Variants in NAP1L4 observed in about 807,000 individuals in gnomAD.
NAP1L4 encodes nucleosome assembly protein 1 like 4.
In NAP1L4, 15 loss-of-function variants were observed where a neutral mutation model predicts 58.2. That is an observed-to-expected ratio of 0.26 (90% CI 0.17 to 0.40). NAP1L4 has a LOEUF of 0.40. NAP1L4 is among the 10% of genes least tolerant of loss of function. The pLI, the probability that NAP1L4 is intolerant of heterozygous loss-of-function variation, is 1.00. For missense variants in NAP1L4, 384 were observed against 451.1 expected (o/e 0.85, Z 1.35); for synonymous variants, 171 against 155.6 (o/e 1.10, Z -0.74).
At chr11:2,956,382 C>T (rs1052276138) in intron 10 of NAP1L4, among the ~76,000 whole-genome samples, 2 of 152,088 alleles carry the variant, frequency 1.3e-5, no homozygotes, top group African/African-American at 4.8e-5. Flanking sequence ...AGCTGTGCAA[C>T]GTTCAACTGG....
At chr11:2,964,775 T>C (rs1445164430) in intron 7 of NAP1L4, 24 bp from the exon 8 acceptor site, 1 of 1,570,872 alleles carries the variant, frequency 6.4e-7, no homozygotes, top group Admixed American at 1.7e-5. Context: ...GAAAAAAAAT[T>C]CCAACAGGCT....
rs963660439 is a variant in NAP1L4 at position 2,946,127 on chromosome 11, T to C, written c.*33-481A>G. On this transcript the variant is annotated intron_variant, in intron 15 of 15. Coordinates refer to ENST00000380542, the MANE Select transcript of NAP1L4 (RefSeq NM_005969.4). This position sits in a 1 kb window ranked among gnomAD's most constrained non-coding sequence, Gnocchi z 4.8. ...CCTTGGCGCTCATGGAAAGCACATC[T>C]CTCCTCTAGCGGGTTCCTGCTCTTT... is the stretch of plus-strand genomic sequence containing the variant. Among the ~76,000 whole-genome samples, 4 of 152,160 alleles carry C rather than the reference T, an allele frequency of 2.6e-5. No individual in the cohort carries two copies. The highest frequency in any genetic ancestry group is 6.8e-3 in the Middle Eastern group (2 of 294).
At chr11:2,972,026 T>C (rs1847666029) in intron 5 of NAP1L4, 76 bp downstream of exon 5, 2 of 1,404,296 alleles carry the variant, frequency 1.4e-6, no homozygotes, top group East Asian at 2.6e-5. Flanking sequence ...GTTGTCAACT[T>C]ATAATGGGTT....
intron 1 of NAP1L4, among the ~76,000 whole-genome samples, chr11:2,985,449 C>T (rs896168881): frequency 1.3e-5 from 2 of 152,228 alleles, no homozygotes. Flanking sequence ...TATAAAACCA[C>T]AGCCCGAAGA....
In NAP1L4 at chr11:2,958,435, T is replaced by C. The variant is rs1846678117; in HGVS notation, c.856A>G (p.Asn286Asp). The C allele has an allele frequency of 1.2e-6, 2 of 1,614,094 alleles. No homozygotes were observed. Among genetic ancestry groups the C allele is most frequent in the Non-Finnish European group, 1.7e-6 (2 of 1,180,040 alleles). ...TTGAAGAAGTTGAAAAAGGACTCAT[T>C]GGGTACTTGTTTCGTAATTGTTCTA... ...TVRTITKQVP[N>D]ESFFNFFNPL... Residue 286 changes from asparagine (N) to aspartate (D), a missense_variant, in exon 10 of 16, where the codon AAT (asparagine) becomes GAT (aspartate). Physicochemically the swap from Asn to Asp is conservative, Grantham distance 23. Coordinates refer to ENST00000380542, the MANE Select transcript of NAP1L4 (RefSeq NM_005969.4).
chr11:2,965,424 C>G (rs1247304757), intron 7 of NAP1L4, among the ~76,000 whole-genome samples: 1 of 152,198 alleles, frequency 6.6e-6, no homozygotes, highest in African/African-American at 2.4e-5. Context: ...TATCTAAACA[C>G]AGAGAAGGTA....
intron 1 of NAP1L4, chr11:2,991,140 C>CA (rs1324250122): frequency 4.4e-6 from 2 of 456,288 alleles, no homozygotes; most frequent in Admixed American, 4.7e-5. Flanking sequence ...AGCGCACAGT[C>CA]ACCCAGGCAG....
rs945122647 is a variant in NAP1L4, at chr11:2,971,889, T to C, written c.315+213A>G. Among the ~76,000 whole-genome samples the C allele has an allele frequency of 2.6e-5, 4 of 152,204 alleles. No homozygotes were observed. Among genetic ancestry groups the C allele is most frequent in the Non-Finnish European group, 5.9e-5 (4 of 68,034 alleles). ...ACATTACGCGAGATACTCAGCACTT[T>C]ATTATAAAATAGGCTTTGTGGAAGA... On this transcript the variant is annotated intron_variant, in intron 5 of 15. Transcript: ENST00000380542. This position sits in a 1 kb window ranked among gnomAD's most constrained non-coding sequence, Gnocchi z 4.2.
chr11:2,966,746 T>A (rs1847306841), intron 7 of NAP1L4, among the ~76,000 whole-genome samples: 1 of 152,192 alleles, frequency 6.6e-6, no homozygotes, highest in Non-Finnish European at 1.5e-5. Flanking sequence ...ATCACCAAGA[T>A]GAGCACTTCC....
intron 2 of NAP1L4, among the ~76,000 whole-genome samples, chr11:2,978,845 A>G (rs1293230538): frequency 6.6e-6 from 1 of 152,256 alleles, no homozygotes; most frequent in African/African-American, 2.4e-5. Context: ...AAAAATAAAC[A>G]TCAAATAATA....
chr11:2,966,921 T>C (rs1461093880), intron 7 of NAP1L4, among the ~76,000 whole-genome samples: 2 of 152,146 alleles, frequency 1.3e-5, no homozygotes, highest in Non-Finnish European at 2.9e-5. Context: ...CCAGGGCAAA[T>C]ATTAAGGTAA....
intron 7 of NAP1L4, among the ~76,000 whole-genome samples, chr11:2,966,192 G>GT (rs531345430): frequency 7.8e-4 from 119 of 152,278 alleles, no homozygotes; most frequent in African/African-American, 2.7e-3. Flanking sequence ...TTAGTTGTAT[G>GT]TAATAATTGT....
intron 1 of NAP1L4, among the ~76,000 whole-genome samples, chr11:2,985,358 T>C (rs890489488): frequency 6.6e-6 from 1 of 152,118 alleles, no homozygotes; most frequent in African/African-American, 2.4e-5. Flanking sequence ...CAGAAAGTTA[T>C]AAGGAACTAT....
chr11:2,975,479 C>T (rs151078702), intron 4 of NAP1L4, among the ~76,000 whole-genome samples: 61 of 152,170 alleles, frequency 4.0e-4, no homozygotes, highest in African/African-American at 1.4e-3. Context: ...ACCCGTTATC[C>T]CAGCATTTTG....
chr11:2,966,893 G>A (rs913838462), intron 7 of NAP1L4, among the ~76,000 whole-genome samples: 3 of 152,128 alleles, frequency 2.0e-5, no homozygotes, highest in Non-Finnish European at 4.4e-5. Flanking sequence ...GTACCCTGTG[G>A]GTCAAAACTT....
chr11:2,960,144 A>C, intron 8 of NAP1L4: 2 of 451,386 alleles, frequency 4.4e-6, no homozygotes, highest in Non-Finnish European at 4.0e-6. Context: ...TCCCCCTCCA[A>C]TGCCTCCTCA....
intron 6 of NAP1L4, among the ~76,000 whole-genome samples, chr11:2,970,716 G>A (rs911268624): frequency 6.6e-6 from 1 of 152,120 alleles, no homozygotes; most frequent in Admixed American, 6.5e-5. Context: ...ATCAGCAAAG[G>A]CAGATTTCCC....
intron 14 of NAP1L4, among the ~76,000 whole-genome samples, chr11:2,950,049 G>A (rs1846140713): frequency 6.6e-6 from 1 of 152,198 alleles, no homozygotes; most frequent in Non-Finnish European, 1.5e-5. Context: ...AGCAGTGATG[G>A]GCAGCATTTA....
chr11:2,979,056 T>C (rs542998050), intron 2 of NAP1L4, 151 bp downstream of exon 2: 28 of 751,018 alleles, frequency 3.7e-5, no homozygotes, highest in Non-Finnish European at 5.5e-5. Context: ...GTAATTTCTT[T>C]ACGTGCTCAA....
Sources: allele counts gnomAD v4.1 joint callset (sites outside exome capture counted in the v4.1 genomes callset), GRCh38; gene constraint gnomAD v4.1.1; non-coding constraint Gnocchi (gnomAD v3.1); transcripts MANE v1.5; gene names NCBI Gene and HGNC (gene_info 2026-07-23, HGNC 2026-07-21).